The following CEMIP2 variants were observed in gnomAD, a reference collection of about 807,000 sequenced individuals.
The protein encoded by CEMIP2 is cell migration inducing hyaluronidase 2, also known as cell surface hyaluronidase CEMIP2.
A neutral mutation model predicts 146.9 loss-of-function variants in CEMIP2; 79 were observed. That is an observed-to-expected ratio of 0.54 (90% CI 0.45 to 0.65). The LOEUF is 0.65. Ranked by LOEUF, CEMIP2 falls within the 30% of genes least tolerant of loss-of-function variation. The probability of loss-of-function intolerance (pLI) is 0.00; values close to 1 mark genes in which losing one functional copy is unlikely to be tolerated. For missense variants in CEMIP2, 1,596 were observed against 1,696.2 expected, an observed-to-expected ratio of 0.94 and a Z score of 1.04; for synonymous variants, 601 against 606.3, an observed-to-expected ratio of 0.99 and a Z score of 0.13.
At chr9:71,743,643 C>G (rs1169002793) in intron 4 of CEMIP2, among the ~76,000 whole-genome samples, 1 of 152,172 alleles carries the variant, frequency 6.6e-6, no homozygotes. Context: ...TGCAGCATGT[C>G]TCACTGTATG....
At chr9:71,756,238 GTATATATA>G (rs10546089) in intron 1 of CEMIP2, among the ~76,000 whole-genome samples, 1 of 138,598 alleles carries the variant, frequency 7.2e-6, no homozygotes, top group African/African-American at 2.6e-5. Flanking sequence ...GTATATAGGT[GTATATATA>G]TATATATATA....
At chr9:71,689,459 GT>G (rs1170518790) in intron 22 of CEMIP2, among the ~76,000 whole-genome samples, 4 of 152,176 alleles carry the variant, frequency 2.6e-5, no homozygotes, top group Non-Finnish European at 5.9e-5. Context: ...AAAAAGAAAG[GT>G]TTCTCTCCTG....
Position 71,729,825 on chromosome 9 carries a change from G to A in CEMIP2, c.2049+20C>T. The A allele has an allele frequency of 6.2e-7, 1 of 1,609,282 alleles. No individual in the cohort carries two copies. Among genetic ancestry groups the A allele is most frequent in the South Asian group, 1.1e-5 (1 of 90,888 alleles). The stretch of plus-strand genomic sequence containing the variant: ...CAAGAAAAACATTAAAACATCTGAG[G>A]TCACTTTAACGTTATTTACCTGTGA... On this transcript the variant is annotated intron_variant, in intron 10 of 23. Transcript: ENST00000377044.
chr9:71,752,276 T>A (rs184400644), intron 1 of CEMIP2, among the ~76,000 whole-genome samples: 1 of 151,658 alleles, frequency 6.6e-6, no homozygotes, highest in African/African-American at 2.4e-5. Flanking sequence ...CTAAAAGGCC[T>A]ATTAATCTCA....
rs193282420 is a variant in CEMIP2 at position 71,729,766 on chromosome 9, A to C, written c.2049+79T>G. 205 of 1,401,116 alleles carry C rather than the reference A, an allele frequency of 1.5e-4. No homozygotes were observed. The African/African-American group carries it at 2.4e-3, about 17-fold the overall frequency. 86.8% of individuals were successfully genotyped at this position (1,401,116 alleles called of 1,614,324 possible). A position where few individuals can be genotyped will look rare whatever the true frequency, so the allele number is the denominator to read the frequency against. ...TGCTTGGGTTACACTGGCACACATGACATTAAATCCAAATAAACCAGACTA... is the reference window on the plus strand; with the variant it reads ...TGCTTGGGTTACACTGGCACACATGCCATTAAATCCAAATAAACCAGACTA... On this transcript the variant is annotated intron_variant, in intron 10 of 23. Transcript: ENST00000377044.
rs1236907542 is a variant in CEMIP2, at chr9:71,750,081, G to T, written c.293C>A (p.Ala98Glu). Residue 98 changes from alanine to glutamate, a missense_variant, in exon 2 of 24, where the codon GCA becomes GAA. By Grantham distance (107) the Ala-to-Glu change is moderately radical (BLOSUM62 -1). Transcript: ENST00000377044. The stretch of plus-strand genomic sequence containing the variant: ...TTTTGAGGATATTCCTAAAATGATT[G>T]CAAGTGCAATAAAAAATGAGAAACT... ...ITSFSFFIALAIILGISSKYA... is the reference protein window; with the variant it reads ...ITSFSFFIALEIILGISSKYA... The T allele has an allele frequency of 1.2e-6, 2 of 1,612,132 alleles. No individual in the cohort carries two copies. The highest frequency in any genetic ancestry group is 1.7e-6 in the Non-Finnish European group (2 of 1,178,994).
At chr9:71,729,758 C>T in intron 10 of CEMIP2, 87 bp downstream of exon 10, 1 of 1,314,726 alleles carries the variant, frequency 7.6e-7, no homozygotes, top group Non-Finnish European at 1.1e-6. Context: ...GTTACACTGG[C>T]ACACATGACA....
intron 4 of CEMIP2, among the ~76,000 whole-genome samples, chr9:71,743,155 C>A (rs950359752): frequency 6.6e-6 from 1 of 150,860 alleles, no homozygotes; most frequent in African/African-American, 2.4e-5. Flanking sequence ...AAGCCGGACA[C>A]AAAATATAAC....
chr9:71,705,813 G>T (rs1211087852), intron 17 of CEMIP2, among the ~76,000 whole-genome samples: 1 of 150,944 alleles, frequency 6.6e-6, no homozygotes, highest in Non-Finnish European at 1.5e-5. Flanking sequence ...GTGTATGTGT[G>T]TGTGTATATA....
intron 5 of CEMIP2, among the ~76,000 whole-genome samples, chr9:71,737,550 A>G (rs1029369785): frequency 6.6e-6 from 1 of 152,220 alleles, no homozygotes; most frequent in Non-Finnish European, 1.5e-5. Context: ...GTATTCTTAC[A>G]GTCTTTAAAA....
chr9:71,725,963 T>C (rs1013716961), intron 10 of CEMIP2, among the ~76,000 whole-genome samples: 1 of 152,198 alleles, frequency 6.6e-6, no homozygotes, highest in African/African-American at 2.4e-5. Flanking sequence ...GTATAAAAAT[T>C]CACTTTCAAA....
chr9:71,690,193 CACA>C lies in CEMIP2; in HGVS notation c.3747_3749del (p.Val1250del), dbSNP rs1589124372. On this transcript the variant is annotated inframe_deletion, in exon 22 of 24. Coordinates refer to ENST00000377044, the MANE Select transcript of CEMIP2 (RefSeq NM_013390.3). ...AGCGGAATGGAACGCTGCACGGATC[CACA>C]ACAAGGAGGAGGACGCCTGCACTTC... The C allele has an allele frequency of 1.2e-6, 2 of 1,613,980 alleles. No individual in the cohort carries two copies. Among genetic ancestry groups the C allele is most frequent in the Admixed American group, 1.7e-5 (1 of 59,986 alleles).
chr9:71,725,177 G>C (rs1264948205), intron 11 of CEMIP2, among the ~76,000 whole-genome samples: 1 of 152,204 alleles, frequency 6.6e-6, no homozygotes, highest in African/African-American at 2.4e-5. Flanking sequence ...ATCTACTACA[G>C]TTTGAATGCA....
chr9:71,723,146 A>AC (rs1564009391), intron 11 of CEMIP2, among the ~76,000 whole-genome samples: 1 of 151,428 alleles, frequency 6.6e-6, no homozygotes, highest in African/African-American at 2.4e-5. Context: ...GAAAAAAAAA[A>AC]AAAAAACAAA....
At chr9:71,693,483 AGAG>A (rs1488965725) in intron 21 of CEMIP2, among the ~76,000 whole-genome samples, 2 of 152,270 alleles carry the variant, frequency 1.3e-5, no homozygotes, top group African/African-American at 4.8e-5. Context: ...CTGAAAAAAT[AGAG>A]AAGAGGCAAC....
chr9:71,694,105 T>TTATG (rs1822314311), intron 21 of CEMIP2, among the ~76,000 whole-genome samples: 1 of 70,190 alleles, frequency 1.4e-5, no homozygotes, highest in Admixed American at 1.7e-4. Flanking sequence ...TTATTTTTAT[T>TTATG]TATTTATTTA....
At chr9:71,726,312 T>A (rs943206831) in intron 10 of CEMIP2, among the ~76,000 whole-genome samples, 1 of 152,202 alleles carries the variant, frequency 6.6e-6, no homozygotes, top group Non-Finnish European at 1.5e-5. Context: ...CAGTTTAAAA[T>A]TTTTTGACAC....
intron 10 of CEMIP2, among the ~76,000 whole-genome samples, chr9:71,728,193 TTCTCTCTCTCTCTCTCTC>T (rs369654117): frequency 2.7e-4 from 8 of 29,614 alleles, no homozygotes; most frequent in Admixed American, 2.2e-3. Context: ...CAGCGAAACC[TTCTCTCTCTCTCTCTCTC>T]TCTCTCTCTC....
At chr9:71,690,048 T>G in intron 22 of CEMIP2, 44 bp downstream of exon 22, 2 of 1,603,996 alleles carry the variant, frequency 1.2e-6, no homozygotes, top group Non-Finnish European at 1.7e-6. Flanking sequence ...GCACTCCACA[T>G]CTTTAAGGTG....
Sources: gnomAD v4.1 joint callset for allele counts (sites outside exome capture counted in the v4.1 genomes callset) on GRCh38, gnomAD v4.1.1 for gene constraint, MANE v1.5 for transcripts, NCBI Gene and HGNC (gene_info 2026-07-23, HGNC 2026-07-21) for gene names.